Variants in DCDC2C observed in about 807,000 individuals in gnomAD.
DCDC2C encodes doublecortin domain-containing protein 2C.
A neutral mutation model predicts 45.0 loss-of-function variants in DCDC2C; 44 were observed. The ratio of observed to expected loss-of-function variants is 0.98; its 90% CI spans 0.77 to 1.26. The LOEUF is 1.26. DCDC2C is among the 50% of genes most tolerant of loss of function. The pLI is 0.00. For missense variants in DCDC2C, 447 were observed against 468.9 expected, an observed-to-expected ratio of 0.95 and a Z score of 0.43; for synonymous variants, 187 against 178.8, an observed-to-expected ratio of 1.05 and a Z score of -0.37.
intron 8 of DCDC2C, among the ~76,000 whole-genome samples, chr2:3,772,354 G>A (rs766672359): frequency 2.6e-5 from 4 of 152,316 alleles, no homozygotes; most frequent in Middle Eastern, 3.4e-3. Flanking sequence ...GATGTGGCCC[G>A]TCCTTGGCCC....
intron 10 of DCDC2C, among the ~76,000 whole-genome samples, chr2:3,810,866 G>T (rs1352271855): frequency 6.6e-6 from 1 of 152,102 alleles, no homozygotes; most frequent in Non-Finnish European, 1.5e-5. Flanking sequence ...TTTTTGTTGG[G>T]TTTGTTGAAG....
chr2:3,771,832 G>C lies in DCDC2C; in HGVS notation c.954+2421G>C, dbSNP rs78714291. Among the ~76,000 whole-genome samples, 1,012 of 152,334 alleles carry C rather than the reference G, an allele frequency of 6.6e-3. 13 individuals carry two copies. Among genetic ancestry groups the C allele is most frequent in the African/African-American group, 0.024 (978 of 41,588 alleles). On this transcript the variant is annotated intron_variant, in intron 8 of 10. Coordinates refer to ENST00000399143, the MANE Select transcript of DCDC2C (RefSeq NM_001287444.2). ...CTGCTGGGCAGGCTCTTGGCTCTGCGTCAGGGTGACTGGCATACCCATGGA... is the reference window on the plus strand; with the variant it reads ...CTGCTGGGCAGGCTCTTGGCTCTGCCTCAGGGTGACTGGCATACCCATGGA...
chr2:3,744,821 A>C (rs1572579206), intron 4 of DCDC2C, among the ~76,000 whole-genome samples: 1 of 152,148 alleles, frequency 6.6e-6, no homozygotes, highest in South Asian at 2.1e-4. Flanking sequence ...AGCAGGTGGA[A>C]GTTAGATGTT....
rs570826848 is a variant in DCDC2C, at chr2:3,741,980, T to A, written c.477T>A (p.Ser159Arg). ...PPAKIIIPKFSLSDWDIVLAT... is the reference protein window; with the variant it reads ...PPAKIIIPKFRLSDWDIVLAT... The stretch of plus-strand genomic sequence containing the variant: ...CAAAAATCATTATACCCAAATTTAG[T>A]CTGTCCGATTGGGACATCGTGCTGG... Residue 159 changes from serine to arginine, a missense_variant, in exon 4 of 11, where the codon AGT becomes AGA. Physicochemically the swap from Ser to Arg is moderately radical, Grantham distance 110. Transcript: ENST00000399143. 1,517 of 1,549,126 alleles carry A rather than the reference T, an allele frequency of 9.8e-4. 2 individuals carry two copies. The highest frequency in any genetic ancestry group is 1.2e-3 in the Non-Finnish European group (1,427 of 1,146,508).
At chr2:3,713,386 C>T (rs1041692272) in intron 2 of DCDC2C, among the ~76,000 whole-genome samples, 2 of 152,094 alleles carry the variant, frequency 1.3e-5, no homozygotes, top group Non-Finnish European at 2.9e-5. Context: ...ATGATCCATG[C>T]GAGGGGCTGG....
At chr2:3,840,424 G>A (rs1163297736) in intron 10 of DCDC2C, among the ~76,000 whole-genome samples, 4 of 152,208 alleles carry the variant, frequency 2.6e-5, no homozygotes, top group Admixed American at 6.5e-5. Flanking sequence ...GCTTTTCGGC[G>A]GGGGTTGGGG....
At chr2:3,735,799 A>T (rs1197058906) in intron 3 of DCDC2C, among the ~76,000 whole-genome samples, 1 of 149,784 alleles carries the variant, frequency 6.7e-6, no homozygotes, top group Non-Finnish European at 1.5e-5. Flanking sequence ...CACCAAGGAA[A>T]GCCTGGGTTT....
At position 3,729,288 on chromosome 2, in the gene DCDC2C, G is replaced by A. The variant is rs74603978; in HGVS notation, c.416+2209G>A. Among the ~76,000 whole-genome samples, 678 of 152,324 alleles carry A rather than the reference G, an allele frequency of 4.5e-3. 19 individuals are homozygous for A. In the East Asian group the frequency reaches 0.089, roughly 20 times the overall value. ...CCACCCCAGGGCTCCTCTGTGGGGA[G>A]GAGGCACGTTTGTGCCAGGCAGAAC... On this transcript the variant is annotated intron_variant, in intron 3 of 10. Transcript: ENST00000399143.
At chr2:3,771,500 AT>A (rs36077430) in intron 8 of DCDC2C, among the ~76,000 whole-genome samples, 15,405 of 152,254 alleles carry the variant, frequency 0.1, 1,055 homozygotes, top group East Asian at 0.3. Context: ...ACATGAGTGT[AT>A]TGTTTCAGAG....
At chr2:3,820,983 C>A (rs1166066976) in intron 10 of DCDC2C, among the ~76,000 whole-genome samples, 1 of 152,108 alleles carries the variant, frequency 6.6e-6, no homozygotes, top group Non-Finnish European at 1.5e-5. Flanking sequence ...GTCCACCAAA[C>A]AGGCTTTGTG....
At chr2:3,826,635 T>G (rs1463237121) in intron 10 of DCDC2C, among the ~76,000 whole-genome samples, 3 of 152,128 alleles carry the variant, frequency 2.0e-5, no homozygotes, top group Non-Finnish European at 4.4e-5. Context: ...GCTGACAGGC[T>G]GCATCTTCTG....
intron 4 of DCDC2C, among the ~76,000 whole-genome samples, chr2:3,749,111 ATTTAG>A (rs1669460680): frequency 6.6e-6 from 1 of 152,170 alleles, no homozygotes; most frequent in Non-Finnish European, 1.5e-5. Flanking sequence ...TTGGTAAAGG[ATTTAG>A]TTTAATTTAG....
intron 6 of DCDC2C, among the ~76,000 whole-genome samples, chr2:3,767,070 G>A (rs1670033857): frequency 6.6e-6 from 1 of 152,238 alleles, no homozygotes; most frequent in Non-Finnish European, 1.5e-5. Context: ...CGTGTTTAAG[G>A]TAGGGCTGCG....
intron 6 of DCDC2C, among the ~76,000 whole-genome samples, chr2:3,755,604 C>A (rs1669687332): frequency 2.0e-5 from 3 of 151,422 alleles, no homozygotes; most frequent in African/African-American, 7.3e-5. Flanking sequence ...TGTGTGTATG[C>A]ATGTGTGTAT....
chr2:3,822,850 A>G (rs139681938), intron 10 of DCDC2C, among the ~76,000 whole-genome samples: 166 of 152,148 alleles, frequency 1.1e-3, no homozygotes, highest in African/African-American at 3.8e-3. Context: ...GGTGGGAGGT[A>G]ATTGAATCAT....
intron 10 of DCDC2C, among the ~76,000 whole-genome samples, chr2:3,838,318 C>T (rs1672129611): frequency 6.6e-6 from 1 of 151,964 alleles, no homozygotes; most frequent in African/African-American, 2.4e-5. Flanking sequence ...GGTCAGAATT[C>T]CTGGTAATCG....
At chr2:3,798,537 C>T (rs1223971159) in intron 10 of DCDC2C, among the ~76,000 whole-genome samples, 1 of 149,872 alleles carries the variant, frequency 6.7e-6, no homozygotes, top group African/African-American at 2.4e-5. Context: ...TTTAGTGCTT[C>T]CTTCAGGAGC....
chr2:3,802,794 C>CT (rs1671145875), intron 10 of DCDC2C, among the ~76,000 whole-genome samples: 4 of 152,120 alleles, frequency 2.6e-5, no homozygotes, highest in Admixed American at 2.6e-4. Flanking sequence ...TCCTAAATGA[C>CT]CCATCTCCAT....
At chr2:3,806,287 G>T (rs1362061736) in intron 10 of DCDC2C, among the ~76,000 whole-genome samples, 1 of 152,212 alleles carries the variant, frequency 6.6e-6, no homozygotes, top group African/African-American at 2.4e-5. Context: ...TGTGCTTTCT[G>T]CAGTGTTTTG....
Sources: allele counts gnomAD v4.1 joint callset (sites outside exome capture counted in the v4.1 genomes callset), GRCh38; gene constraint gnomAD v4.1.1; transcripts MANE v1.5; gene names NCBI Gene and HGNC (gene_info 2026-07-23, HGNC 2026-07-21).